The following SGMS1 variants were observed in gnomAD, a reference collection of about 807,000 sequenced individuals.
The protein encoded by SGMS1 is phosphatidylcholine:ceramide cholinephosphotransferase 1.
SGMS1 carries 13 observed loss-of-function variants against 46.2 expected under a neutral mutation model. The ratio of observed to expected loss-of-function variants is 0.28; its 90% CI spans 0.18 to 0.45. The LOEUF is 0.45. Among genes scored for constraint, SGMS1 ranks in the 20% least tolerant of loss-of-function variants. The probability of loss-of-function intolerance (pLI) is 1.00; values close to 1 mark genes in which losing one functional copy is unlikely to be tolerated. For synonymous variants in SGMS1, 203 were observed against 187.8 expected, an observed-to-expected ratio of 1.08 and a Z score of -0.66; for missense variants, 324 against 519.9, an observed-to-expected ratio of 0.62 and a Z score of 3.66.
At chr10:50,359,450 T>C (rs778827012) in intron 6 of SGMS1, among the ~76,000 whole-genome samples, 9 of 152,136 alleles carry the variant, frequency 5.9e-5, no homozygotes, top group Non-Finnish European at 1.3e-4. Context: ...AAAACAGATA[T>C]GACACAATGA....
intron 2 of SGMS1, among the ~76,000 whole-genome samples, chr10:50,525,348 T>A (rs561475828): frequency 5.9e-5 from 9 of 152,238 alleles, no homozygotes; most frequent in African/African-American, 2.2e-4. Flanking sequence ...TGAAGGTGGG[T>A]GTAAAGGAGG....
chr10:50,624,087 A>G, upstream of SGMS1: 1 of 985,028 alleles, frequency 1.0e-6, no homozygotes, highest in South Asian at 4.7e-5. Context: ...TCCTCCCGGG[A>G]CCGAGCGGGA....
At chr10:50,624,572 C>T (rs1482048008), upstream of SGMS1, 4 of 984,916 alleles carry the variant, frequency 4.1e-6, no homozygotes, top group South Asian at 4.7e-5. Flanking sequence ...AAAACTCCGA[C>T]TGCGTCAGAG....
At chr10:50,344,523 C>A (rs1370537100) in intron 6 of SGMS1, among the ~76,000 whole-genome samples, 178 bp from the exon 7 acceptor site, 1 of 152,138 alleles carries the variant, frequency 6.6e-6, no homozygotes, top group African/African-American at 2.4e-5. Context: ...TTGCGACACA[C>A]ATTGAATTGG....
intron 5 of SGMS1, among the ~76,000 whole-genome samples, chr10:50,448,738 C>A: frequency 2.5e-5 from 2 of 80,862 alleles, no homozygotes; most frequent in African/African-American, 5.8e-5. Flanking sequence ...GAGTGAAACT[C>A]CGCCAAAAAA....
At chr10:50,594,877 G>A (rs891850061) in intron 1 of SGMS1, among the ~76,000 whole-genome samples, 5 of 152,138 alleles carry the variant, frequency 3.3e-5, no homozygotes, top group African/African-American at 4.8e-5. Flanking sequence ...GACAGTTCTC[G>A]TCTTTTTAAA....
chr10:50,560,811 T>C (rs1451414276), intron 2 of SGMS1, among the ~76,000 whole-genome samples: 1 of 152,030 alleles, frequency 6.6e-6, no homozygotes, highest in Non-Finnish European at 1.5e-5. Context: ...AGCCATACAA[T>C]TGCCAGGTGT....
chr10:50,456,409 T>C (rs145023049), intron 5 of SGMS1, among the ~76,000 whole-genome samples: 174 of 152,224 alleles, frequency 1.1e-3, no homozygotes, highest in African/African-American at 3.9e-3. Flanking sequence ...AATGGTTTGG[T>C]GAGGATCATA....
chr10:50,398,338 T>C (rs1294121708), intron 6 of SGMS1, among the ~76,000 whole-genome samples: 5 of 152,238 alleles, frequency 3.3e-5, no homozygotes, highest in Non-Finnish European at 5.9e-5. Flanking sequence ...TCATCAGATT[T>C]TGAAATATTA....
chr10:50,475,960 G>T (rs1179902081), intron 3 of SGMS1, among the ~76,000 whole-genome samples: 19 of 151,802 alleles, frequency 1.3e-4, no homozygotes, highest in Non-Finnish European at 4.4e-5. Flanking sequence ...GACTAATACA[G>T]AAAGTAGGGG....
intron 9 of SGMS1, among the ~76,000 whole-genome samples, chr10:50,308,797 C>A (rs1454148081): frequency 1.3e-5 from 2 of 152,172 alleles, no homozygotes; most frequent in East Asian, 3.9e-4. Context: ...GGCCTTTCTA[C>A]CTTGGATTCT....
intron 2 of SGMS1, among the ~76,000 whole-genome samples, chr10:50,570,611 T>C (rs1262393931): frequency 1.3e-5 from 2 of 152,112 alleles, no homozygotes; most frequent in African/African-American, 4.8e-5. Context: ...TAACATAGTA[T>C]TGAGGGCCTT....
At chr10:50,425,295 T>C (rs1425747389) in intron 6 of SGMS1, among the ~76,000 whole-genome samples, 1 of 152,138 alleles carries the variant, frequency 6.6e-6, no homozygotes, top group African/African-American at 2.4e-5. Flanking sequence ...CAGATGCATT[T>C]ATATGTTCAA....
rs150889115 is a variant in SGMS1, at chr10:50,375,725, A to G, written c.-231-31380T>C. Among the ~76,000 whole-genome samples, 77 of 152,370 alleles carry G rather than the reference A, an allele frequency of 5.1e-4. 1 individual carries two copies. Among genetic ancestry groups the G allele is most frequent in the South Asian group, 4.6e-3 (22 of 4,830 alleles). ...GGAAGTAGTATAGATGGCAGAAGGC[A>G]AACACTAGTGTGCCCAGATTAAATT... On this transcript the variant is annotated intron_variant, in intron 6 of 10. Transcript: ENST00000361781.
At chr10:50,534,992 G>A (rs936619150) in intron 2 of SGMS1, among the ~76,000 whole-genome samples, 1 of 152,194 alleles carries the variant, frequency 6.6e-6, no homozygotes, top group Non-Finnish European at 1.5e-5. Flanking sequence ...CCAGCACTCT[G>A]GGAGGCCGAG....
At chr10:50,613,194 C>A (rs575154563) in intron 1 of SGMS1, among the ~76,000 whole-genome samples, 54 of 152,304 alleles carry the variant, frequency 3.5e-4, no homozygotes, top group African/African-American at 1.3e-3. Context: ...TCTACACTGA[C>A]CTATGGTATG....
At chr10:50,625,166 G>A (rs187546097), upstream of SGMS1, 1 of 676,630 alleles carries the variant, frequency 1.5e-6, no homozygotes, top group Non-Finnish European at 1.8e-6. Context: ...AGCAAACTGC[G>A]GCGAAATCGA....
rs927888841 is a variant in SGMS1 at position 50,504,391 on chromosome 10, T to C, written c.-498+15440A>G. ...CACTTAGCTTTCTCAAGATAGTTCCTACCTTTAAATCCCATTTAGCACTGT... is the reference window on the plus strand; with the variant it reads ...CACTTAGCTTTCTCAAGATAGTTCCCACCTTTAAATCCCATTTAGCACTGT... On this transcript the variant is annotated intron_variant, in intron 3 of 10. Coordinates refer to ENST00000361781, the MANE Select transcript of SGMS1 (RefSeq NM_147156.4). Among the ~76,000 whole-genome samples the C allele has an allele frequency of 3.9e-5, 6 of 152,258 alleles. No individual in the cohort carries two copies. In the South Asian group the frequency reaches 1.2e-3, roughly 31 times the overall value.
chr10:50,410,902 A>C (rs899047803), intron 6 of SGMS1, among the ~76,000 whole-genome samples: 4 of 152,346 alleles, frequency 2.6e-5, no homozygotes, highest in African/African-American at 9.6e-5. Context: ...CTCTCAGAAT[A>C]ACATGTTAGT....
Sources: allele counts gnomAD v4.1 joint callset (sites outside exome capture counted in the v4.1 genomes callset), GRCh38; gene constraint gnomAD v4.1.1; transcripts MANE v1.5; gene names NCBI Gene and HGNC (gene_info 2026-07-23, HGNC 2026-07-21).